The following KSR2 variants were observed in gnomAD, a reference collection of about 807,000 sequenced individuals.
KSR2 encodes the protein kinase suppressor of ras 2.
KSR2 carries 25 observed loss-of-function variants against 107.8 expected under a neutral mutation model. The observed-to-expected ratio is 0.23, with a 90% CI of 0.17 to 0.32. The LOEUF (loss-of-function observed/expected upper bound fraction) is 0.32, where lower values mean the gene tolerates loss of function less well. KSR2 is among the 10% of genes least tolerant of loss of function. The pLI is 1.00. For missense variants in KSR2, 887 were observed against 1,268.9 expected, an observed-to-expected ratio of 0.70 and a Z score of 4.57; for synonymous variants, 480 against 507.0, an observed-to-expected ratio of 0.95 and a Z score of 0.71.
chr12:117,509,562 CT>C (rs573084077), intron 14 of KSR2, among the ~76,000 whole-genome samples: 34 of 152,336 alleles, frequency 2.2e-4, no homozygotes, highest in Admixed American at 2.0e-3. Flanking sequence ...GCTATGAGAA[CT>C]TGTCAAAGGC....
In KSR2 at chr12:117,607,647, GGGAGGAA is replaced by G. The variant is rs1565923701; in HGVS notation, c.1172-25295_1172-25289del. 8.5e-5 allele frequency among the ~76,000 whole-genome samples: 12 copies of G among 141,500 alleles called. 1 individual carries two copies. The highest frequency in any genetic ancestry group is 4.7e-4 in the East Asian group (2 of 4,260). The allele number at this position is 141,500 out of a possible 152,430, so 92.8% of individuals were successfully genotyped here. On this transcript the variant is annotated intron_variant, in intron 5 of 19. Coordinates refer to ENST00000339824, the MANE Select transcript of KSR2 (RefSeq NM_173598.6). ...CTGCATCCACAGACCTCCCGGAGAG[GGGAGGAA>G]AGGAGAGGAGAGGAGAGGAGAGGAG...
intron 14 of KSR2, among the ~76,000 whole-genome samples, chr12:117,510,877 CA>C (rs58668449): frequency 0.21 from 21,633 of 103,182 alleles, 1,692 homozygotes; most frequent in African/African-American, 0.34. Context: ...GACCCTGTCT[CA>C]AAAAAAAAAA....
chr12:117,823,242 G>A (rs922129727), intron 3 of KSR2, among the ~76,000 whole-genome samples: 4 of 152,056 alleles, frequency 2.6e-5, no homozygotes, highest in South Asian at 2.1e-4. Context: ...AGAGTCACAC[G>A]ATTTGCTTTG....
At position 117,930,067 on chromosome 12, in the gene KSR2, C is replaced by T. The variant is rs150279904; in HGVS notation, c.180+38009G>A. Among the ~76,000 whole-genome samples, 925 of 151,474 alleles carry T rather than the reference C, an allele frequency of 6.1e-3. 11 individuals are homozygous for T. The highest frequency in any genetic ancestry group is 0.021 in the African/African-American group (849 of 41,272). On this transcript the variant is annotated intron_variant, in intron 1 of 19. Transcript: ENST00000339824. Reference sequence around the variant, plus strand: ...TAAAAAAAATTTTTTTTTTTTGAGACAGAGTCTCACTCTATCACCCAGGCT... The same window carrying T: ...TAAAAAAAATTTTTTTTTTTTGAGATAGAGTCTCACTCTATCACCCAGGCT...
chr12:117,604,273 T>G (rs1881109602), intron 5 of KSR2, among the ~76,000 whole-genome samples: 2 of 152,336 alleles, frequency 1.3e-5, no homozygotes, highest in Non-Finnish European at 1.5e-5. Flanking sequence ...TGTTTCCAGC[T>G]TTTGACTGGA....
chr12:117,469,892 C>A, intron 18 of KSR2, 97 bp from the exon 19 acceptor site: 5 of 1,206,136 alleles, frequency 4.1e-6, no homozygotes, highest in South Asian at 4.0e-5. Context: ...CACTCATCTG[C>A]CCCATTTCCA....
intron 3 of KSR2, among the ~76,000 whole-genome samples, chr12:117,798,245 C>T (rs1043927452): frequency 6.6e-6 from 1 of 152,340 alleles, no homozygotes; most frequent in South Asian, 2.1e-4. Context: ...GTGCCAGCTA[C>T]TCAGTCTCTC....
At chr12:117,918,725 T>G (rs1212855759) in intron 1 of KSR2, among the ~76,000 whole-genome samples, 2 of 149,256 alleles carry the variant, frequency 1.3e-5, no homozygotes, top group African/African-American at 4.9e-5. Context: ...GAGGCAGAGG[T>G]TGTGGTGAGC....
chr12:117,909,268 T>C (rs1894946803), intron 1 of KSR2, among the ~76,000 whole-genome samples: 1 of 152,226 alleles, frequency 6.6e-6, no homozygotes, highest in African/African-American at 2.4e-5. Flanking sequence ...ATCACTTCAC[T>C]ACCCCACTGT....
intron 12 of KSR2, among the ~76,000 whole-genome samples, chr12:117,528,057 A>G (rs911244085): frequency 2.6e-5 from 4 of 151,808 alleles, no homozygotes; most frequent in African/African-American, 9.7e-5. Flanking sequence ...TGTTGGGTAT[A>G]GATGCTGGCG....
chr12:117,820,137 T>C (rs1364478215), intron 3 of KSR2, among the ~76,000 whole-genome samples: 1 of 152,200 alleles, frequency 6.6e-6, no homozygotes, highest in Non-Finnish European at 1.5e-5. Context: ...GAAATGTTAC[T>C]TTAAAACAAT....
intron 15 of KSR2, 69 bp downstream of exon 15, chr12:117,485,526 A>AG (rs1872412804): frequency 8.7e-7 from 1 of 1,152,220 alleles, no homozygotes; most frequent in African/African-American, 1.5e-5. Flanking sequence ...GCCCTGGGGT[A>AG]GGGGGGCTTC....
intron 5 of KSR2, among the ~76,000 whole-genome samples, chr12:117,621,450 A>G (rs1452148502): frequency 2.6e-5 from 4 of 152,322 alleles, no homozygotes; most frequent in Non-Finnish European, 5.9e-5. Context: ...CTGCATTCAC[A>G]TAGGCAGGTT....
chr12:117,931,490 A>G (rs1012896662), intron 1 of KSR2, among the ~76,000 whole-genome samples: 5 of 152,194 alleles, frequency 3.3e-5, no homozygotes, highest in African/African-American at 1.2e-4. Context: ...TGTGGGGCAC[A>G]ATCTTGAGTC....
intron 4 of KSR2, among the ~76,000 whole-genome samples, chr12:117,718,564 T>C (rs1479481807): frequency 1.3e-5 from 2 of 152,162 alleles, no homozygotes; most frequent in Admixed American, 6.5e-5. Context: ...ATGAGGTTGG[T>C]GAATGAGTGG....
intron 3 of KSR2, among the ~76,000 whole-genome samples, chr12:117,835,298 A>G (rs1440996137): frequency 6.6e-6 from 1 of 152,116 alleles, no homozygotes; most frequent in Non-Finnish European, 1.5e-5. Flanking sequence ...ACAGGGAGAG[A>G]TGGTGCATGT....
chr12:117,539,314 A>G (rs1007537618), intron 10 of KSR2, among the ~76,000 whole-genome samples: 1 of 152,134 alleles, frequency 6.6e-6, no homozygotes, highest in Non-Finnish European at 1.5e-5. Flanking sequence ...ACAGGATCTC[A>G]CTGCCAATTT....
At chr12:117,725,845 G>T (rs11068654) in intron 4 of KSR2, among the ~76,000 whole-genome samples, 8 of 152,068 alleles carry the variant, frequency 5.3e-5, no homozygotes, top group African/African-American at 1.9e-4. Flanking sequence ...GACTCAAGAG[G>T]GGGAGGCACA....
chr12:117,658,235 A>C (rs1246146215), intron 5 of KSR2, among the ~76,000 whole-genome samples: 1 of 152,248 alleles, frequency 6.6e-6, no homozygotes, highest in Non-Finnish European at 1.5e-5. Context: ...CTGTGGTAGA[A>C]TCTTATCTTA....
Sources: allele counts gnomAD v4.1 joint callset (sites outside exome capture counted in the v4.1 genomes callset), GRCh38; gene constraint gnomAD v4.1.1; transcripts MANE v1.5; gene names NCBI Gene and HGNC (gene_info 2026-07-23, HGNC 2026-07-21).